The following METTL24 variants were observed in gnomAD, a reference collection of about 807,000 sequenced individuals.
METTL24 encodes the protein probable methyltransferase-like protein 24.
Under a neutral mutation model 32.7 loss-of-function variants are expected in METTL24, and 29 were observed. The ratio of observed to expected loss-of-function variants is 0.89; its 90% CI spans 0.66 to 1.21. The LOEUF (loss-of-function observed/expected upper bound fraction) is 1.21, where lower values mean the gene tolerates loss of function less well. METTL24 is among the 50% of genes most tolerant of loss of function. The pLI, the probability that METTL24 is intolerant of heterozygous loss-of-function variation, is 0.00. For missense variants in METTL24, 439 were observed against 468.1 expected, an observed-to-expected ratio of 0.94 and a Z score of 0.57; for synonymous variants, 163 against 179.5, an observed-to-expected ratio of 0.91 and a Z score of 0.73.
At position 110,347,459 on chromosome 6, in the gene METTL24, C is replaced by G. The variant is rs1772499429; in HGVS notation, c.318+10496G>C. Among the ~76,000 whole-genome samples, 3 of 152,204 alleles carry G rather than the reference C, an allele frequency of 2.0e-5. No individual in the cohort carries two copies. In the South Asian group the frequency reaches 6.2e-4, roughly 31 times the overall value. ...CATAAAACCATGTGCAACACTGATA[C>G]TTAGACTTTATTGTGTTGACTGAGT... On this transcript the variant is annotated intron_variant, in intron 1 of 4. Transcript: ENST00000338882.
At chr6:110,316,163 A>C (rs1329544631) in intron 2 of METTL24, among the ~76,000 whole-genome samples, 1 of 152,212 alleles carries the variant, frequency 6.6e-6, no homozygotes. Context: ...GAAGGGCAAC[A>C]GCCCCAGGCA....
chr6:110,286,495 G>GTTTTTTTTTT (rs1771223302), intron 4 of METTL24, among the ~76,000 whole-genome samples: 1 of 152,276 alleles, frequency 6.6e-6, no homozygotes, highest in Admixed American at 6.5e-5. Context: ...GTTTTGGTTT[G>GTTTTTTTTTT]TTGTCCAGCG....
chr6:110,267,070 C>T (rs1439532111), intron 4 of METTL24, among the ~76,000 whole-genome samples: 1 of 151,870 alleles, frequency 6.6e-6, no homozygotes, highest in East Asian at 1.9e-4. Flanking sequence ...AAAATTATAA[C>T]ATCTAATACA....
chr6:110,351,613 T>C (rs577949334), intron 1 of METTL24, among the ~76,000 whole-genome samples: 91 of 152,356 alleles, frequency 6.0e-4, no homozygotes, highest in Admixed American at 1.0e-3. Context: ...ATAAAAATTA[T>C]ACCAAATACT....
chr6:110,355,299 G>C (rs1772681271), intron 1 of METTL24, among the ~76,000 whole-genome samples: 1 of 152,174 alleles, frequency 6.6e-6, no homozygotes, highest in Non-Finnish European at 1.5e-5. Flanking sequence ...AAGAAAGGGG[G>C]ATGGGGCCTT....
intron 4 of METTL24, 27 bp from the exon 5 acceptor site, chr6:110,246,287 A>G: frequency 6.4e-7 from 1 of 1,551,978 alleles, no homozygotes; most frequent in Non-Finnish European, 8.7e-7. Context: ...AAATGAGATT[A>G]GCAGATTTAG....
At chr6:110,305,411 A>G (rs990550237) in intron 3 of METTL24, among the ~76,000 whole-genome samples, 1 of 152,028 alleles carries the variant, frequency 6.6e-6, no homozygotes, top group Non-Finnish European at 1.5e-5. Context: ...TGGGAAAAAA[A>G]ATTTGCAATC....
intron 4 of METTL24, among the ~76,000 whole-genome samples, chr6:110,287,753 A>G (rs1326813905): frequency 6.6e-6 from 1 of 152,188 alleles, no homozygotes; most frequent in Non-Finnish European, 1.5e-5. Flanking sequence ...AAAGGCCAAC[A>G]TGTATCCTGT....
intron 1 of METTL24, among the ~76,000 whole-genome samples, chr6:110,329,606 G>C (rs1214012732): frequency 6.6e-6 from 1 of 152,146 alleles, no homozygotes; most frequent in Non-Finnish European, 1.5e-5. Context: ...TTACGTTTCT[G>C]TAACGCCCTC....
intron 3 of METTL24, among the ~76,000 whole-genome samples, chr6:110,311,460 CTTTCTTTGTTTTT>C (rs1771719519): frequency 7.4e-6 from 1 of 134,672 alleles, no homozygotes; most frequent in African/African-American, 2.9e-5. Context: ...CTTTTCTTTT[CTTTCTTTGTTTTT>C]TTTTTTTTTT....
intron 1 of METTL24, among the ~76,000 whole-genome samples, chr6:110,344,564 C>T (rs1772430924): frequency 1.3e-5 from 2 of 151,906 alleles, no homozygotes; most frequent in South Asian, 4.2e-4. Context: ...TAATTGTGCA[C>T]AAATTTTAGT....
rs528605663 is a variant in METTL24 at position 110,263,242 on chromosome 6, T to C, written c.787-16982A>G. On this transcript the variant is annotated intron_variant, in intron 4 of 4. Coordinates refer to ENST00000338882, the MANE Select transcript of METTL24 (RefSeq NM_001123364.3). ...AACCCCATCATCTCAGCCCAAAATC[T>C]CCTTAAGCTGATAAGCAACTTCAGC... Among the ~76,000 whole-genome samples the C allele has an allele frequency of 1.2e-4, 18 of 152,268 alleles. 1 individual carries two copies. In the South Asian group the frequency reaches 3.7e-3, roughly 32 times the overall value.
chr6:110,298,737 A>G (rs1229803023), intron 4 of METTL24, among the ~76,000 whole-genome samples, 185 bp downstream of exon 4: 1 of 152,202 alleles, frequency 6.6e-6, no homozygotes, highest in Non-Finnish European at 1.5e-5. Flanking sequence ...ATCAACTTAA[A>G]TATCTCTATC....
intron 4 of METTL24, among the ~76,000 whole-genome samples, chr6:110,253,659 AAC>A (rs1289821151): frequency 7.9e-5 from 12 of 152,226 alleles, no homozygotes; most frequent in South Asian, 2.1e-4. Context: ...AGAATTTTAA[AAC>A]AGTTTACTTC....
chr6:110,301,911 C>T (rs1438631749), intron 3 of METTL24, among the ~76,000 whole-genome samples: 1 of 152,100 alleles, frequency 6.6e-6, no homozygotes, highest in Non-Finnish European at 1.5e-5. Context: ...TTAAATTTGT[C>T]AAAACTTAGA....
intron 4 of METTL24, among the ~76,000 whole-genome samples, chr6:110,268,609 CACT>C (rs1770901568): frequency 6.6e-6 from 1 of 152,166 alleles, no homozygotes; most frequent in African/African-American, 2.4e-5. Flanking sequence ...AGTTGTAGCT[CACT>C]ACATCATCAG....
At chr6:110,258,020 T>G (rs1341839616) in intron 4 of METTL24, among the ~76,000 whole-genome samples, 1 of 152,194 alleles carries the variant, frequency 6.6e-6, no homozygotes, top group Non-Finnish European at 1.5e-5. Flanking sequence ...AGACCCTCAG[T>G]GATTCAGAGT....
chr6:110,291,926 C>T (rs1313092573), intron 4 of METTL24, among the ~76,000 whole-genome samples: 2 of 152,230 alleles, frequency 1.3e-5, no homozygotes, highest in African/African-American at 2.4e-5. Flanking sequence ...CTATCCCTTA[C>T]ATTGTCTTGA....
chr6:110,265,997 C>T (rs537854437), intron 4 of METTL24, among the ~76,000 whole-genome samples: 2 of 152,036 alleles, frequency 1.3e-5, no homozygotes, highest in African/African-American at 2.4e-5. Flanking sequence ...AGCTCCTGAG[C>T]TCAAGTAATC....
Sources: allele counts gnomAD v4.1 joint callset (sites outside exome capture counted in the v4.1 genomes callset), GRCh38; gene constraint gnomAD v4.1.1; transcripts MANE v1.5; gene names NCBI Gene and HGNC (gene_info 2026-07-23, HGNC 2026-07-21).